Variants in GULP1 observed in about 807,000 individuals in gnomAD.
GULP1 encodes the protein PTB domain-containing engulfment adapter protein 1.
Under a neutral mutation model 40.9 loss-of-function variants are expected in GULP1, and 19 were observed. The observed-to-expected ratio is 0.46, with a 90% CI of 0.32 to 0.68. The LOEUF (loss-of-function observed/expected upper bound fraction) is 0.68, where lower values mean the gene tolerates loss of function less well. GULP1 is among the 30% of genes least tolerant of loss of function. The pLI is 0.03. For missense variants in GULP1, 312 were observed against 362.2 expected, an observed-to-expected ratio of 0.86 and a Z score of 1.12; for synonymous variants, 119 against 117.6, an observed-to-expected ratio of 1.01 and a Z score of -0.08.
rs2036109131 is a variant in GULP1 at position 188,301,389 on chromosome 2, T to A, written c.-172+9223T>A. On this transcript the variant is annotated intron_variant, in intron 1 of 11. Transcript: ENST00000409830. ...GTGTGATTTTGTACCTGAAGTTAACTCTTCTTTCCGTTTCTTGCATTTCCA... is the reference window on the plus strand; with the variant it reads ...GTGTGATTTTGTACCTGAAGTTAACACTTCTTTCCGTTTCTTGCATTTCCA... Among the ~76,000 whole-genome samples the A allele has an allele frequency of 2.0e-5, 3 of 152,328 alleles. No homozygotes were observed. In the South Asian group the frequency reaches 6.2e-4, roughly 32 times the overall value.
intron 4 of GULP1, among the ~76,000 whole-genome samples, chr2:188,493,662 A>G (rs890186266): frequency 5.3e-5 from 8 of 152,086 alleles, no homozygotes; most frequent in Non-Finnish European, 7.4e-5. Context: ...AGAGTCTTCA[A>G]TAACCTTATC....
In GULP1 at chr2:188,505,741, C is replaced by G. The variant is rs76394438; in HGVS notation, c.91-17015C>G. On this transcript the variant is annotated intron_variant, in intron 4 of 11. Coordinates refer to ENST00000409830, the MANE Select transcript of GULP1 (RefSeq NM_016315.4). ...GAAGTTAAATGATTTGCTGTAAACT[C>G]TTTCTGTCTGTTGAACTGGAGATAA... 2.7e-3 allele frequency among the ~76,000 whole-genome samples: 409 copies of G among 151,886 alleles called. 1 individual carries two copies. Among genetic ancestry groups the G allele is most frequent in the Non-Finnish European group, 4.5e-3 (307 of 67,812 alleles).
At chr2:188,340,231 A>T (rs1052860079) in intron 1 of GULP1, among the ~76,000 whole-genome samples, 1 of 152,228 alleles carries the variant, frequency 6.6e-6, no homozygotes, top group Non-Finnish European at 1.5e-5. Context: ...GGTCATTTTC[A>T]TATTGCTATA....
chr2:188,519,074 G>A (rs1487017205), intron 4 of GULP1, among the ~76,000 whole-genome samples: 1 of 151,978 alleles, frequency 6.6e-6, no homozygotes, highest in Non-Finnish European at 1.5e-5. Flanking sequence ...GGAAGTATAA[G>A]GCATAAACTT....
At chr2:188,391,394 G>C (rs2050504238) in intron 2 of GULP1, among the ~76,000 whole-genome samples, 1 of 152,120 alleles carries the variant, frequency 6.6e-6, no homozygotes, top group South Asian at 2.1e-4. Flanking sequence ...CTGAGTTCTT[G>C]ATTTGATTCT....
At chr2:188,306,196 T>G (rs574659007) in intron 1 of GULP1, among the ~76,000 whole-genome samples, 1 of 152,306 alleles carries the variant, frequency 6.6e-6, no homozygotes, top group African/African-American at 2.4e-5. Context: ...CAACATGTAC[T>G]TTTCACTTAA....
chr2:188,571,233 C>T (rs1405600940), intron 9 of GULP1, among the ~76,000 whole-genome samples: 1 of 152,078 alleles, frequency 6.6e-6, no homozygotes, highest in African/African-American at 2.4e-5. Flanking sequence ...TTTATGGAAG[C>T]TTATTGTGCT....
chr2:188,552,852 CAT>C lies in GULP1; in HGVS notation c.399+11547_399+11548del, dbSNP rs142037706. Among the ~76,000 whole-genome samples the C allele has an allele frequency of 4.8e-3, 720 of 148,964 alleles. 8 individuals are homozygous for C. The highest frequency in any genetic ancestry group is 0.017 in the African/African-American group (681 of 40,834). ...TTTTACCTCCTTGGTTAAATTTATT[CAT>C]ATATATATATATTTATTCCTATATA... On this transcript the variant is annotated intron_variant, in intron 7 of 11. Transcript: ENST00000409830.
chr2:188,305,346 A>C (rs940147714), intron 1 of GULP1, among the ~76,000 whole-genome samples: 11 of 152,196 alleles, frequency 7.2e-5, no homozygotes, highest in Non-Finnish European at 1.5e-4. Context: ...GGAAGGCTTC[A>C]TTATATAGGC....
At chr2:188,321,487 C>T (rs930770322) in intron 1 of GULP1, among the ~76,000 whole-genome samples, 7 of 152,140 alleles carry the variant, frequency 4.6e-5, no homozygotes, top group African/African-American at 1.7e-4. Context: ...TAAAAGATAA[C>T]GTTCTGATGA....
At chr2:188,593,151 A>C (rs1035602146) in intron 11 of GULP1, 13 of 152,064 alleles carry the variant, frequency 8.5e-5, no homozygotes, top group Non-Finnish European at 1.6e-4. Flanking sequence ...ATTTACAGGA[A>C]AGGGTAGGAA....
chr2:188,358,463 A>T (rs1010673576), intron 1 of GULP1, among the ~76,000 whole-genome samples: 4 of 152,144 alleles, frequency 2.6e-5, no homozygotes, highest in Non-Finnish European at 5.9e-5. Flanking sequence ...TTTATTGTGT[A>T]TTTTCAAATA....
intron 2 of GULP1, among the ~76,000 whole-genome samples, chr2:188,451,412 A>G (rs1312826422): frequency 1.3e-5 from 2 of 152,196 alleles, no homozygotes; most frequent in African/African-American, 4.8e-5. Context: ...CTCCAGATTT[A>G]TTTCTCTTTA....
At chr2:188,454,309 T>C (rs1171189466) in intron 2 of GULP1, among the ~76,000 whole-genome samples, 1 of 152,154 alleles carries the variant, frequency 6.6e-6, no homozygotes, top group Non-Finnish European at 1.5e-5. Context: ...TGGCTTAGTC[T>C]GGGGTTTTTA....
At chr2:188,481,721 A>G (rs772151257) in intron 3 of GULP1, among the ~76,000 whole-genome samples, 5 of 151,942 alleles carry the variant, frequency 3.3e-5, no homozygotes, top group Non-Finnish European at 5.9e-5. Flanking sequence ...CAGCGTTTAC[A>G]TACTCCTGAG....
rs116640623 is a variant in GULP1, at chr2:188,309,045, A to G, written c.-172+16879A>G. Among the ~76,000 whole-genome samples the G allele has an allele frequency of 3.7e-3, 566 of 152,264 alleles. 5 individuals carry two copies. Among genetic ancestry groups the G allele is most frequent in the African/African-American group, 0.012 (506 of 41,544 alleles). On this transcript the variant is annotated intron_variant, in intron 1 of 11. Coordinates refer to ENST00000409830, the MANE Select transcript of GULP1 (RefSeq NM_016315.4). ...ATCACCATGAAGCTCCTAAACATCC[A>G]TAGTTAACATTTATATTGTTACTTT...
chr2:188,301,728 G>A (rs1276781369), intron 1 of GULP1, among the ~76,000 whole-genome samples: 3 of 152,172 alleles, frequency 2.0e-5, no homozygotes, highest in African/African-American at 7.2e-5. Flanking sequence ...AAAAGATTTA[G>A]TTCCACTTAG....
chr2:188,421,959 T>C (rs905887367), intron 2 of GULP1, among the ~76,000 whole-genome samples: 2 of 152,174 alleles, frequency 1.3e-5, no homozygotes, highest in African/African-American at 4.8e-5. Flanking sequence ...AGAAAAAGTA[T>C]CGGACCAAAA....
At chr2:188,469,917 A>G (rs563341177) in intron 2 of GULP1, among the ~76,000 whole-genome samples, 1 of 152,306 alleles carries the variant, frequency 6.6e-6, no homozygotes, top group African/African-American at 2.4e-5. Flanking sequence ...CTTGGGATTC[A>G]TGATGAATGA....
Sources: allele counts gnomAD v4.1 joint callset (sites outside exome capture counted in the v4.1 genomes callset), GRCh38; gene constraint gnomAD v4.1.1; transcripts MANE v1.5; gene names NCBI Gene and HGNC (gene_info 2026-07-23, HGNC 2026-07-21).